Variants in HNRNPC observed in about 807,000 individuals in gnomAD.
HNRNPC encodes the protein heterogeneous nuclear ribonucleoproteins C1/C2.
HNRNPC carries 3 observed loss-of-function variants against 33.2 expected under a neutral mutation model. The observed-to-expected ratio is 0.09, with a 90% CI of 0.04 to 0.23. The LOEUF (loss-of-function observed/expected upper bound fraction) is 0.23, where lower values mean the gene tolerates loss of function less well. HNRNPC is among the 10% of genes least tolerant of loss of function. HNRNPC has a pLI of 1.00. For missense variants in HNRNPC, 143 were observed against 366.7 expected, an observed-to-expected ratio of 0.39 and a Z score of 4.98; for synonymous variants, 121 against 126.7, an observed-to-expected ratio of 0.96 and a Z score of 0.30.
At chr14:21,254,921 TCAAAAAAAAAA>T (rs1297859094) in intron 2 of HNRNPC, among the ~76,000 whole-genome samples, 1 of 117,232 alleles carries the variant, frequency 8.5e-6, no homozygotes, top group East Asian at 2.2e-4. Flanking sequence ...GACTCTAGTC[TCAAAAAAAAAA>T]CAAAAAAAAA....
chr14:21,266,483 G>A (rs962083634), intron 1 of HNRNPC, among the ~76,000 whole-genome samples: 2 of 151,838 alleles, frequency 1.3e-5, no homozygotes, highest in Non-Finnish European at 2.9e-5. Context: ...ATGTTTTCCT[G>A]ATACAATATA....
intron 2 of HNRNPC, among the ~76,000 whole-genome samples, chr14:21,242,939 A>G (rs575022646): frequency 5.9e-5 from 9 of 152,330 alleles, no homozygotes; most frequent in African/African-American, 1.9e-4. Context: ...GGCATGGCCA[A>G]TGTGGTGAAA....
intron 2 of HNRNPC, among the ~76,000 whole-genome samples, chr14:21,239,793 G>A (rs944305573): frequency 6.6e-6 from 1 of 151,788 alleles, no homozygotes; most frequent in Non-Finnish European, 1.5e-5. Flanking sequence ...AAAATCCCTT[G>A]AACCCGTGAG....
intron 2 of HNRNPC, among the ~76,000 whole-genome samples, chr14:21,249,573 C>T (rs984358581): frequency 1.9e-5 from 2 of 107,730 alleles, no homozygotes; most frequent in African/African-American, 4.0e-5. Context: ...GCAACAAGAG[C>T]GAAAACTGTG....
chr14:21,241,083 A>T (rs539550198), intron 2 of HNRNPC, among the ~76,000 whole-genome samples: 1 of 152,212 alleles, frequency 6.6e-6, no homozygotes, highest in South Asian at 2.1e-4. Context: ...AGCCTGGCCA[A>T]CGTGGTGAAA....
intron 2 of HNRNPC, 124 bp from the exon 3 acceptor site, chr14:21,234,353 C>A: frequency 1.3e-6 from 1 of 745,082 alleles, no homozygotes; most frequent in East Asian, 2.8e-5. Flanking sequence ...CTTAAAGGGA[C>A]TCACAGCATT....
intron 5 of HNRNPC, among the ~76,000 whole-genome samples, chr14:21,221,608 T>C (rs1171175760): frequency 6.6e-6 from 1 of 152,158 alleles, no homozygotes; most frequent in East Asian, 1.9e-4. Context: ...AGCAGGATGG[T>C]GGAATTATAA....
chr14:21,268,153 T>A (rs774573808), intron 1 of HNRNPC, among the ~76,000 whole-genome samples: 1 of 152,210 alleles, frequency 6.6e-6, no homozygotes, highest in Non-Finnish European at 1.5e-5. Flanking sequence ...TAAGTCAATG[T>A]GACACTAAAG....
intron 2 of HNRNPC, among the ~76,000 whole-genome samples, chr14:21,248,827 C>A (rs1465467702): frequency 6.6e-6 from 1 of 152,118 alleles, no homozygotes; most frequent in Non-Finnish European, 1.5e-5. Flanking sequence ...TTTAAAACTG[C>A]GTGTTTTTTG....
chr14:21,249,605 A>AAAC (rs1566634067), intron 2 of HNRNPC, among the ~76,000 whole-genome samples: 5 of 150,930 alleles, frequency 3.3e-5, no homozygotes, highest in African/African-American at 1.2e-4. Context: ...AAAAAAAAAA[A>AAAC]AAAAAAAAAA....
chr14:21,221,169 TA>T (rs1004634058), intron 5 of HNRNPC, among the ~76,000 whole-genome samples: 1 of 152,232 alleles, frequency 6.6e-6, no homozygotes, highest in East Asian at 1.9e-4. Context: ...ATGCCTGCTG[TA>T]AGGACATCAC....
At chr14:21,219,439 ATTTCTGCC>A (rs1480192578) in intron 5 of HNRNPC, among the ~76,000 whole-genome samples, 11 of 152,318 alleles carry the variant, frequency 7.2e-5, no homozygotes, top group African/African-American at 2.4e-4. Flanking sequence ...TCTGTGTAAG[ATTTCTGCC>A]TTTAACAGTA....
intron 2 of HNRNPC, among the ~76,000 whole-genome samples, chr14:21,238,172 T>A (rs1894934334): frequency 1.3e-5 from 2 of 152,226 alleles, no homozygotes; most frequent in African/African-American, 4.8e-5. Context: ...CTCATACAGA[T>A]CTAAATTACT....
intron 5 of HNRNPC, among the ~76,000 whole-genome samples, chr14:21,228,944 G>T (rs1893785451): frequency 6.6e-6 from 1 of 151,646 alleles, no homozygotes; most frequent in African/African-American, 2.4e-5. Flanking sequence ...AATTAGCCGG[G>T]AGTGGTGGTG....
At chr14:21,241,257 CAAAA>C (rs56033944) in intron 2 of HNRNPC, among the ~76,000 whole-genome samples, 1,068 of 93,982 alleles carry the variant, frequency 0.011, 18 homozygotes, top group African/African-American at 0.051. Context: ...GACTATGTCT[CAAAA>C]AAAAAAAAAA....
intron 2 of HNRNPC, among the ~76,000 whole-genome samples, chr14:21,255,507 C>CA (rs1877024260): frequency 6.6e-6 from 1 of 152,218 alleles, no homozygotes; most frequent in Non-Finnish European, 1.5e-5. Context: ...TCGACTCTAT[C>CA]ACAGCTAAAC....
chr14:21,228,112 A>G (rs2139605594), intron 5 of HNRNPC, among the ~76,000 whole-genome samples: 1 of 152,250 alleles, frequency 6.6e-6, no homozygotes, highest in East Asian at 1.9e-4. Flanking sequence ...AATGTGGTCA[A>G]GCAATTACCA....
intron 2 of HNRNPC, among the ~76,000 whole-genome samples, chr14:21,237,526 TA>T (rs1338637662): frequency 6.6e-6 from 1 of 152,232 alleles, no homozygotes. Context: ...TCATCTGCAA[TA>T]TTTTGTCAAG....
intron 2 of HNRNPC, among the ~76,000 whole-genome samples, chr14:21,260,009 C>G (rs1161066596): frequency 6.7e-6 from 1 of 150,020 alleles, no homozygotes; most frequent in Non-Finnish European, 1.5e-5. Context: ...ACCATCCCGG[C>G]TAAAACGGTG....
Sources: allele counts gnomAD v4.1 joint callset (sites outside exome capture counted in the v4.1 genomes callset), GRCh38; gene constraint gnomAD v4.1.1; transcripts MANE v1.5; gene names NCBI Gene and HGNC (gene_info 2026-07-23, HGNC 2026-07-21).